The following DAGLA variants were observed in gnomAD, a reference collection of about 807,000 sequenced individuals.
DAGLA encodes diacylglycerol lipase alpha.
DAGLA carries 22 observed loss-of-function variants against 102.6 expected under a neutral mutation model. The ratio of observed to expected loss-of-function variants is 0.21; its 90% CI spans 0.15 to 0.31. The LOEUF (loss-of-function observed/expected upper bound fraction) is 0.31, where lower values mean the gene tolerates loss of function less well. DAGLA is among the 10% of genes least tolerant of loss of function. The pLI is 1.00. For missense variants in DAGLA, 927 were observed against 1,446.6 expected, an observed-to-expected ratio of 0.64 and a Z score of 5.83; for synonymous variants, 578 against 628.9, an observed-to-expected ratio of 0.92 and a Z score of 1.21.
chr11:61,695,435 C>A (rs2065057490), intron 1 of DAGLA, among the ~76,000 whole-genome samples: 1 of 152,212 alleles, frequency 6.6e-6, no homozygotes, highest in African/African-American at 2.4e-5. Flanking sequence ...CCCAGAAGCT[C>A]CTGCCTAAGG....
chr11:61,744,052 C>A lies in DAGLA; in HGVS notation c.2692C>A (p.His898Asn). ...GGCCTCCCGCGGGGAGCTGGCGCTGCACAATGGGCGCCTGGGGGACTCGCC... is the reference window on the plus strand; with the variant it reads ...GGCCTCCCGCGGGGAGCTGGCGCTGAACAATGGGCGCCTGGGGGACTCGCC... ...GPASRGELAL[H>N]NGRLGDSPSP... Residue 898 changes from histidine to asparagine, a missense_variant, in exon 20 of 20, where the codon CAC (histidine) becomes AAC (asparagine). Around this residue, in one of 4 missense-constraint regions of DAGLA, gnomAD observed 434 missense variants for 503.3 expected, o/e 0.86. Transcript: ENST00000257215. 1 of 1,612,708 alleles carries A rather than the reference C, an allele frequency of 6.2e-7. No homozygotes were observed. The highest frequency in any genetic ancestry group is 8.5e-7 in the Non-Finnish European group (1 of 1,179,916).
In DAGLA at chr11:61,731,301, GCCT is replaced by G; in HGVS notation, c.850-11_850-9del. On this transcript the variant is annotated splice_polypyrimidine_tract_variant and intron_variant, in intron 8 of 19. Transcript: ENST00000257215. The stretch of plus-strand genomic sequence containing the variant: ...GAAGGGCAGGAGGTGACCGCCCTCT[GCCT>G]CCTCTCTTCTAGCAAGAGATGCTCC... 1 of 1,612,922 alleles carries G rather than the reference GCCT, an allele frequency of 6.2e-7. No homozygotes were observed. The highest frequency in any genetic ancestry group is 8.5e-7 in the Non-Finnish European group (1 of 1,179,514).
At chr11:61,720,066 G>A (rs1240848732) in intron 1 of DAGLA, 46 bp from the exon 2 acceptor site, 3 of 1,348,186 alleles carry the variant, frequency 2.2e-6, no homozygotes, top group Non-Finnish European at 3.1e-6. Context: ...GGCCCTGGGT[G>A]CCTTCACCTC....
chr11:61,717,746 G>A (rs1043426635), intron 1 of DAGLA, among the ~76,000 whole-genome samples: 5 of 152,138 alleles, frequency 3.3e-5, no homozygotes, highest in East Asian at 3.9e-4. Flanking sequence ...CAGCAGGGTC[G>A]GCCCCCAGGA....
chr11:61,706,794 T>C (rs1220945728), intron 1 of DAGLA, among the ~76,000 whole-genome samples: 1 of 152,192 alleles, frequency 6.6e-6, no homozygotes, highest in Non-Finnish European at 1.5e-5. Context: ...AAGCAGGCAT[T>C]ATCAGATTGC....
intron 1 of DAGLA, among the ~76,000 whole-genome samples, chr11:61,717,954 G>T (rs2065249699): frequency 6.6e-6 from 1 of 152,202 alleles, no homozygotes; most frequent in Non-Finnish European, 1.5e-5. Context: ...AAGCGAGCGG[G>T]CATTGTTCGG....
intron 1 of DAGLA, among the ~76,000 whole-genome samples, chr11:61,708,815 G>A (rs943237651): frequency 3.3e-5 from 5 of 152,198 alleles, no homozygotes; most frequent in Non-Finnish European, 4.4e-5. Context: ...CTCTGTGGCC[G>A]TTTGAGTAAA....
intron 18 of DAGLA, 61 bp downstream of exon 18, chr11:61,740,653 C>T (rs2065470066): frequency 6.3e-7 from 1 of 1,584,086 alleles, no homozygotes; most frequent in Admixed American, 1.7e-5. Flanking sequence ...CATCAGAACC[C>T]CGTAAGCACC....
At position 61,720,175 on chromosome 11, in the gene DAGLA, TC is replaced by T; in HGVS notation, c.22del (p.Arg8GlyfsTer27). 1 of 1,613,422 alleles carries T rather than the reference TC, an allele frequency of 6.2e-7. No homozygotes were observed. Among genetic ancestry groups the T allele is most frequent in the Non-Finnish European group, 8.5e-7 (1 of 1,180,028 alleles). On this transcript the variant is annotated frameshift_variant, in exon 2 of 20. Coordinates refer to ENST00000257215, the MANE Select transcript of DAGLA (RefSeq NM_006133.3). LOFTEE classifies it high-confidence loss of function. ...CCAGCCATGCCCGGGATCGTGGTGT[TC>T]CGGCGGCGCTGGTCTGTGGGCAGTG... MPGIVV[F>X]RRRWSVGSDD...
intron 1 of DAGLA, among the ~76,000 whole-genome samples, chr11:61,693,054 C>G (rs1392259564): frequency 6.0e-5 from 9 of 149,906 alleles, no homozygotes; most frequent in Non-Finnish European, 1.3e-4. Context: ...CACTCTGTTG[C>G]CCAGGCTGGA....
chr11:61,685,434 G>A (rs949627408), intron 1 of DAGLA, among the ~76,000 whole-genome samples: 5 of 152,200 alleles, frequency 3.3e-5, no homozygotes, highest in African/African-American at 1.2e-4. Context: ...ACATCCTTGG[G>A]ATAGACAGAA....
In DAGLA at chr11:61,710,362, G is replaced by A. The variant is rs2065184714; in HGVS notation, c.-44-9750G>A. On this transcript the variant is annotated intron_variant, in intron 1 of 19. Coordinates refer to ENST00000257215, the MANE Select transcript of DAGLA (RefSeq NM_006133.3). ...GATGGGCTTAAAGGGAGGGGGGACC[G>A]CTACCTCTCAGGGCATCCTGCGTTT... is the stretch of plus-strand genomic sequence containing the variant. 2.0e-5 allele frequency among the ~76,000 whole-genome samples: 3 copies of A among 152,054 alleles called. No homozygotes were observed. The South Asian group carries it at 6.2e-4, about 32-fold the overall frequency.
intron 7 of DAGLA, 73 bp from the exon 8 acceptor site, chr11:61,728,858 C>T (rs1035680308): frequency 1.0e-4 from 140 of 1,392,234 alleles, no homozygotes; most frequent in Non-Finnish European, 1.3e-4. Flanking sequence ...ACGCCAGGGC[C>T]TGGGCCCCCT....
chr11:61,720,524 G>A (rs1028085071), intron 2 of DAGLA, among the ~76,000 whole-genome samples, 155 bp from the exon 3 acceptor site: 4 of 152,206 alleles, frequency 2.6e-5, no homozygotes, highest in African/African-American at 9.7e-5. Context: ...GCCCTTCTAG[G>A]CATTCGATGC....
chr11:61,704,188 C>T (rs1269195364), intron 1 of DAGLA, among the ~76,000 whole-genome samples: 1 of 150,402 alleles, frequency 6.6e-6, no homozygotes, highest in Non-Finnish European at 1.5e-5. Context: ...GGCACGATCT[C>T]GGCTCATGGC....
intron 18 of DAGLA, 61 bp from the exon 19 acceptor site, chr11:61,741,101 G>A (rs1313959655): frequency 2.4e-5 from 36 of 1,489,700 alleles, no homozygotes; most frequent in Middle Eastern, 4.3e-4. Context: ...GCTCCACATC[G>A]GCCCCACGAT....
At chr11:61,688,202 C>T (rs2135548605) in intron 1 of DAGLA, among the ~76,000 whole-genome samples, 1 of 151,560 alleles carries the variant, frequency 6.6e-6, no homozygotes, top group East Asian at 1.9e-4. Context: ...GTAGTCCCAG[C>T]TACTTGGGAG....
chr11:61,711,075 G>A (rs1370749073), intron 1 of DAGLA, among the ~76,000 whole-genome samples: 5 of 152,184 alleles, frequency 3.3e-5, no homozygotes, highest in East Asian at 3.9e-4. Flanking sequence ...TGAGAGAGTC[G>A]CGTTCCCGGG....
chr11:61,731,287 G>C (rs2065371828), intron 8 of DAGLA, 30 bp from the exon 9 acceptor site: 1 of 1,611,724 alleles, frequency 6.2e-7, no homozygotes, highest in Non-Finnish European at 8.5e-7. Flanking sequence ...AAGGGCAGGA[G>C]GTGACCGCCC....
Sources: allele counts gnomAD v4.1 joint callset (sites outside exome capture counted in the v4.1 genomes callset), GRCh38; gene constraint gnomAD v4.1.1; regional missense constraint gnomAD v4.1.1; transcripts MANE v1.5; gene names NCBI Gene and HGNC (gene_info 2026-07-23, HGNC 2026-07-21).